The following CHD6 variants were observed in gnomAD, a reference collection of about 807,000 sequenced individuals.
The protein encoded by CHD6 is chromodomain helicase DNA binding protein 6, also known as ATP-dependent chromatin remodeler CHD6.
In CHD6, 50 loss-of-function variants were observed where a neutral mutation model predicts 276.9. The observed-to-expected ratio is 0.18, with a 90% CI of 0.14 to 0.23. The LOEUF is 0.23. CHD6 is among the 10% of genes least tolerant of loss of function. CHD6 has a pLI of 1.00. For synonymous variants in CHD6, 1,173 were observed against 1,229.3 expected (o/e 0.95, Z 0.96); for missense variants, 2,564 against 3,365.8 (o/e 0.76, Z 5.89).
In CHD6 at chr20:41,483,419, C is replaced by T; in HGVS notation, c.2358G>A (p.Val786=). 1.2e-6 allele frequency: 2 copies of T among 1,613,780 alleles called. No homozygotes were observed. Among genetic ancestry groups the T allele is most frequent in the South Asian group, 1.1e-5 (1 of 91,068 alleles). ...GCTTAGGGAGTAGTTTATCAATCAA[C>T]ACAAGCTTTCCTGCTGCCTGAATCA... ...QAMIQAAGKL[V]LIDKLLPKLI... is the part of the protein sequence containing the mutation. The change falls in exon 16 of 37, where the codon GTG becomes GTA. Residue 786 remains valine (V), a synonymous_variant. Transcript: ENST00000373233.
chr20:41,580,816 T>C (rs563929578), intron 1 of CHD6, among the ~76,000 whole-genome samples: 1 of 152,246 alleles, frequency 6.6e-6, no homozygotes, highest in East Asian at 1.9e-4. Flanking sequence ...TAAAATGAAG[T>C]ACATTTGGTT....
At chr20:41,542,598 C>G (rs1023873340) in intron 2 of CHD6, among the ~76,000 whole-genome samples, 2 of 151,968 alleles carry the variant, frequency 1.3e-5, no homozygotes, top group Non-Finnish European at 2.9e-5. Flanking sequence ...GAGGCTGAGG[C>G]AGGAGAATGG....
chr20:41,488,137 G>T (rs759633275), intron 13 of CHD6, among the ~76,000 whole-genome samples: 3 of 152,172 alleles, frequency 2.0e-5, no homozygotes, highest in Non-Finnish European at 4.4e-5. Flanking sequence ...AGTTCATTTA[G>T]GGGCCTGGAA....
chr20:41,581,165 G>A (rs1473738884), intron 1 of CHD6, among the ~76,000 whole-genome samples: 1 of 152,186 alleles, frequency 6.6e-6, no homozygotes, highest in Non-Finnish European at 1.5e-5. Context: ...AACATTTACT[G>A]CATTTTGTCT....
chr20:41,527,787 A>G (rs1253925686), intron 3 of CHD6, among the ~76,000 whole-genome samples: 1 of 152,212 alleles, frequency 6.6e-6, no homozygotes, highest in Non-Finnish European at 1.5e-5. Flanking sequence ...CTCATGTCCA[A>G]TGCAGCAGTG....
intron 2 of CHD6, 85 bp downstream of exon 2, chr20:41,551,219 TA>T: frequency 1.2e-6 from 1 of 865,500 alleles, no homozygotes; most frequent in Non-Finnish European, 1.9e-6. Flanking sequence ...GATTAAGGGA[TA>T]AGCCAACACT....
At chr20:41,519,892 C>T (rs2044345064) in intron 3 of CHD6, among the ~76,000 whole-genome samples, 1 of 152,158 alleles carries the variant, frequency 6.6e-6, no homozygotes, top group Non-Finnish European at 1.5e-5. Context: ...AGGCAACCTA[C>T]AGAATGGGAG....
intron 1 of CHD6, among the ~76,000 whole-genome samples, chr20:41,573,879 A>G (rs753356916): frequency 1.3e-5 from 2 of 152,142 alleles, no homozygotes; most frequent in Admixed American, 6.5e-5. Context: ...AGAGAAATCA[A>G]TTCAGGTAAG....
At chr20:41,495,218 G>A (rs749095891) in intron 8 of CHD6, among the ~76,000 whole-genome samples, 24 of 152,156 alleles carry the variant, frequency 1.6e-4, no homozygotes, top group Non-Finnish European at 2.5e-4. Context: ...GTCCATCAAG[G>A]GATGAATGGA....
At chr20:41,593,061 G>GA (rs2045680035) in intron 1 of CHD6, among the ~76,000 whole-genome samples, 1 of 151,934 alleles carries the variant, frequency 6.6e-6, no homozygotes, top group African/African-American at 2.4e-5. Flanking sequence ...AAAAACAACA[G>GA]AAAAATCAAA....
At chr20:41,472,995 G>A (rs182379959) in intron 17 of CHD6, 13 of 209,628 alleles carry the variant, frequency 6.2e-5, no homozygotes, top group African/African-American at 2.3e-4. Context: ...TGCCCGAATC[G>A]TCTACATATC....
chr20:41,430,016 C>T (rs754377658), intron 27 of CHD6, among the ~76,000 whole-genome samples: 15 of 152,210 alleles, frequency 9.9e-5, no homozygotes, highest in Non-Finnish European at 1.9e-4. Flanking sequence ...TTAACTCTGC[C>T]TGAGGACAGA....
intron 2 of CHD6, among the ~76,000 whole-genome samples, chr20:41,535,223 A>G (rs995433058): frequency 6.6e-6 from 1 of 152,182 alleles, no homozygotes; most frequent in Non-Finnish European, 1.5e-5. Context: ...GCAGTAAGGG[A>G]GCATTCAATC....
Position 41,404,808 on chromosome 20 carries a change from A to C in CHD6, c.7933T>G (p.Ser2645Ala). The C allele has an allele frequency of 1.2e-6, 2 of 1,612,906 alleles. No individual in the cohort carries two copies. Among genetic ancestry groups the C allele is most frequent in the Non-Finnish European group, 1.7e-6 (2 of 1,179,518 alleles). ...TGGCTCTCCAGACCTACTATTTCCG[A>C]GTGTCTGGCCTGCTGCATGGCTGGC... Reference protein sequence around the residue: ...ALPAMQQARHSEIVGLESQKR... With the variant: ...ALPAMQQARHAEIVGLESQKR... Residue 2645 changes from serine to alanine, a missense_variant, in exon 37 of 37, where the codon TCG (serine) becomes GCG (alanine). This residue lies in a region of CHD6 where 238 missense variants were observed against 266.0 expected (regional missense o/e 0.89). Transcript: ENST00000373233.
At chr20:41,590,771 AC>A (rs1358728391) in intron 1 of CHD6, among the ~76,000 whole-genome samples, 6 of 152,042 alleles carry the variant, frequency 3.9e-5, no homozygotes, top group Non-Finnish European at 8.8e-5. Context: ...GGGACTGTAA[AC>A]TGGTTCAACC....
intron 3 of CHD6, among the ~76,000 whole-genome samples, chr20:41,527,161 G>T (rs1188596128): frequency 6.6e-6 from 1 of 152,130 alleles, no homozygotes; most frequent in Non-Finnish European, 1.5e-5. Flanking sequence ...ATTCAGGCTG[G>T]GCACCATGGC....
At chr20:41,553,058 A>C (rs2045169499) in intron 1 of CHD6, among the ~76,000 whole-genome samples, 1 of 152,260 alleles carries the variant, frequency 6.6e-6, no homozygotes, top group Non-Finnish European at 1.5e-5. Context: ...AAGCTTCATT[A>C]CAGTGGAGTC....
At position 41,617,995 on chromosome 20, in the gene CHD6, G is replaced by A. The variant is rs1001225135; in HGVS notation, c.-24+345C>T. The stretch of plus-strand genomic sequence containing the variant: ...GCCCCCGCCCGCCAGGCCCGCGGCC[G>A]GGGTCTGCCCGGACCCCCGCCCCTG... On this transcript the variant is annotated intron_variant, in intron 1 of 36. Coordinates refer to ENST00000373233, the MANE Select transcript of CHD6 (RefSeq NM_032221.5). 8.4e-4 allele frequency among the ~76,000 whole-genome samples: 123 copies of A among 146,054 alleles called. 1 individual carries two copies. Among genetic ancestry groups the A allele is most frequent in the African/African-American group, 2.8e-3 (113 of 40,802 alleles).
At chr20:41,577,995 TTAA>T (rs2146223716) in intron 1 of CHD6, among the ~76,000 whole-genome samples, 1 of 152,232 alleles carries the variant, frequency 6.6e-6, no homozygotes, top group Non-Finnish European at 1.5e-5. Flanking sequence ...CTACATGAGG[TTAA>T]ATATTGATAT....
Sources: gnomAD v4.1 joint callset for allele counts (sites outside exome capture counted in the v4.1 genomes callset) on GRCh38, gnomAD v4.1.1 for gene constraint, gnomAD v4.1.1 regional missense constraint, MANE v1.5 for transcripts, NCBI Gene and HGNC (gene_info 2026-07-23, HGNC 2026-07-21) for gene names.